Variants in MASP1 observed in about 807,000 individuals in gnomAD.
MASP1 encodes MBL associated serine protease 1, also known as mannan-binding lectin serine protease 1.
Under a neutral mutation model 77.1 loss-of-function variants are expected in MASP1, and 59 were observed. That is an observed-to-expected ratio of 0.77 (90% CI 0.62 to 0.95). The LOEUF (loss-of-function observed/expected upper bound fraction) is 0.95. Ranked by LOEUF, MASP1 falls within the 40% of genes least tolerant of loss-of-function variation. The pLI, the probability that MASP1 is intolerant of heterozygous loss-of-function variation, is 0.00. For missense variants in MASP1, 885 were observed against 912.9 expected, an observed-to-expected ratio of 0.97 and a Z score of 0.39; for synonymous variants, 362 against 354.5, an observed-to-expected ratio of 1.02 and a Z score of -0.24.
chr3:187,269,517 G>T (rs548526940), intron 2 of MASP1, among the ~76,000 whole-genome samples: 7 of 152,216 alleles, frequency 4.6e-5, no homozygotes, highest in Non-Finnish European at 1.0e-4. Context: ...AGAAGACAAA[G>T]CTAAGAAGCC....
At chr3:187,264,429 A>G (rs1481036071) in intron 2 of MASP1, among the ~76,000 whole-genome samples, 2 of 152,106 alleles carry the variant, frequency 1.3e-5, no homozygotes, top group African/African-American at 4.8e-5. Context: ...AGATAGCCAA[A>G]GCTTTACCTA....
exon 16 of MASP1, chr3:187,219,006 G>C (rs1356977070): frequency 6.6e-6 from 1 of 152,278 alleles, no homozygotes; most frequent in East Asian, 1.9e-4. Flanking sequence ...AAGGGAAGGA[G>C]GCCAGGGCCC....
chr3:187,235,944 C>A lies in MASP1; in HGVS notation c.1927G>T (p.Val643Phe), dbSNP rs765808321. ...SYESRSGNYS[V>F]TENMFCAGYY... ...CCAGCACAGAACATGTTCTCCGTGA[C>A]GCTGTAATTGCCCGAGCGGGACTCA... Residue 643 changes from valine (V) to phenylalanine (F), a missense_variant, in exon 11 of 11, where the codon GTC becomes TTC. Physicochemically the swap from Val to Phe is conservative, Grantham distance 50. Coordinates refer to ENST00000296280, the MANE Select transcript of MASP1 (RefSeq NM_139125.4). 3 of 1,614,228 alleles carry A rather than the reference C, an allele frequency of 1.9e-6. No individual in the cohort carries two copies. Among genetic ancestry groups the A allele is most frequent in the Non-Finnish European group, 2.5e-6 (3 of 1,180,038 alleles).
chr3:187,222,224 T>G (rs1712104874), intron 14 of MASP1, among the ~76,000 whole-genome samples: 1 of 152,168 alleles, frequency 6.6e-6, no homozygotes, highest in African/African-American at 2.4e-5. Flanking sequence ...TTTCATATGT[T>G]CTGGAGCATC....
chr3:187,247,684 T>C (rs966122112), intron 8 of MASP1, among the ~76,000 whole-genome samples: 1 of 152,202 alleles, frequency 6.6e-6, no homozygotes, highest in African/African-American at 2.4e-5. Context: ...GTCCAAACCC[T>C]CACTTGACAG....
chr3:187,229,754 C>A (rs757845832), downstream of MASP1: 15 of 1,613,904 alleles, frequency 9.3e-6, no homozygotes, highest in African/African-American at 1.3e-5. Flanking sequence ...TCCACCTTCT[C>A]CCTACCTAGA....
chr3:187,291,501 G>C (rs985630215), intron 1 of MASP1, 127 bp downstream of exon 1: 1 of 1,286,874 alleles, frequency 7.8e-7, no homozygotes, highest in African/African-American at 1.5e-5. Context: ...AAGAATTGAT[G>C]AGAAAGCCCC....
chr3:187,279,685 C>A (rs898087501), intron 2 of MASP1, among the ~76,000 whole-genome samples: 4 of 152,186 alleles, frequency 2.6e-5, no homozygotes, highest in Admixed American at 6.5e-5. Flanking sequence ...GCATCATTCC[C>A]ATCCTCTTCA....
Position 187,221,004 on chromosome 3 carries a change from G to T in MASP1, c.1909+31C>A, listed in dbSNP as rs201569927. On this transcript the variant is annotated intron_variant, in intron 15 of 15. Transcript: ENST00000337774. ...TCTGCACCACTCCCTGGCTGGCAGC[G>T]CCCCTGTTGTATGCCAGCCTCTTAA... The T allele has an allele frequency of 3.8e-6, 6 of 1,559,556 alleles. No homozygotes were observed. The African/African-American group carries it at 8.1e-5, about 21-fold the overall frequency.
intron 10 of MASP1, among the ~76,000 whole-genome samples, chr3:187,238,798 A>G (rs1713383633): frequency 6.6e-6 from 1 of 152,218 alleles, no homozygotes; most frequent in Admixed American, 6.5e-5. Context: ...CATTTATAAA[A>G]TAAAAGGGCA....
downstream of MASP1, among the ~76,000 whole-genome samples, chr3:187,229,439 T>A (rs1233555082): frequency 6.6e-6 from 1 of 152,166 alleles, no homozygotes; most frequent in African/African-American, 2.4e-5. Flanking sequence ...TTCCTAAGCA[T>A]AGCATTCAAG....
At chr3:187,220,012 G>A in exon 16 of MASP1, 1 of 1,574,272 alleles carries the variant, frequency 6.4e-7, no homozygotes, top group South Asian at 1.1e-5. Context: ...TTTCATCGGA[G>A]GATCGTCCTC....
intron 15 of MASP1, chr3:187,220,323 C>G: frequency 4.1e-6 from 6 of 1,471,690 alleles, no homozygotes; most frequent in South Asian, 1.2e-5. Context: ...GTCTCCTTCT[C>G]CCATGTATGG....
chr3:187,232,761 A>G (rs904298873), downstream of MASP1, among the ~76,000 whole-genome samples: 1 of 152,216 alleles, frequency 6.6e-6, no homozygotes, highest in South Asian at 2.1e-4. Context: ...TCACAACATA[A>G]AGTCCAAGTA....
chr3:187,261,588 A>G (rs1159361811), intron 3 of MASP1, among the ~76,000 whole-genome samples: 2 of 152,214 alleles, frequency 1.3e-5, no homozygotes, highest in East Asian at 3.8e-4. Flanking sequence ...GTTGGTTTAG[A>G]TGTGGAGCAG....
downstream of MASP1, among the ~76,000 whole-genome samples, chr3:187,230,680 G>A (rs555943149): frequency 2.6e-5 from 4 of 152,216 alleles, no homozygotes; most frequent in South Asian, 2.1e-4. Flanking sequence ...TGACAGACAC[G>A]CTCCCACATA....
chr3:187,243,767 TG>T, intron 8 of MASP1, 146 bp from the exon 9 acceptor site: 2 of 986,884 alleles, frequency 2.0e-6, no homozygotes, highest in Non-Finnish European at 1.6e-6. Flanking sequence ...AGGGCACCCC[TG>T]GGGTGTGCAG....
chr3:187,239,404 G>A (rs529886728), intron 10 of MASP1, among the ~76,000 whole-genome samples: 1 of 152,144 alleles, frequency 6.6e-6, no homozygotes, highest in Non-Finnish European at 1.5e-5. Flanking sequence ...CTTTACTTCT[G>A]AGGTATGGGA....
chr3:187,231,690 G>T (rs1339651019), downstream of MASP1, among the ~76,000 whole-genome samples: 1 of 152,262 alleles, frequency 6.6e-6, no homozygotes, highest in East Asian at 1.9e-4. Flanking sequence ...ATTGAAGCTG[G>T]AGCATCCACG....
Sources: gnomAD v4.1 joint callset for allele counts (sites outside exome capture counted in the v4.1 genomes callset) on GRCh38, gnomAD v4.1.1 for gene constraint, MANE v1.5 for transcripts, NCBI Gene and HGNC (gene_info 2026-07-23, HGNC 2026-07-21) for gene names.